The following TCF4 variants were observed in gnomAD, a reference collection of about 807,000 sequenced individuals.
TCF4 encodes transcription factor 4.
In TCF4, 3 loss-of-function variants were observed where a neutral mutation model predicts 82.1. The ratio of observed to expected loss-of-function variants is 0.04; its 90% CI spans 0.02 to 0.09. The LOEUF is 0.09. Ranked by LOEUF, TCF4 falls within the 10% of genes least tolerant of loss-of-function variation. The pLI is 1.00. For missense variants in TCF4, 518 were observed against 852.7 expected (o/e 0.61, Z 4.89); for synonymous variants, 276 against 309.6 (o/e 0.89, Z 1.14).
At chr18:55,345,782 T>C (rs1271476491) in intron 8 of TCF4, among the ~76,000 whole-genome samples, 4 of 152,168 alleles carry the variant, frequency 2.6e-5, no homozygotes, top group Admixed American at 6.5e-5. Flanking sequence ...GTGATCGATA[T>C]CATATTTCAA....
intron 3 of TCF4, among the ~76,000 whole-genome samples, chr18:55,466,585 C>T (rs2096026715): frequency 6.6e-6 from 1 of 152,028 alleles, no homozygotes; most frequent in Non-Finnish European, 1.5e-5. Context: ...CAAAAGGAAT[C>T]AAGTTGGAGA....
At chr18:55,356,792 C>CA (rs1038877760) in intron 6 of TCF4, among the ~76,000 whole-genome samples, 2 of 151,836 alleles carry the variant, frequency 1.3e-5, no homozygotes, top group African/African-American at 2.4e-5. Flanking sequence ...CATGACATCA[C>CA]AAAAAAATAA....
intron 2 of TCF4, among the ~76,000 whole-genome samples, chr18:55,608,012 A>G (rs1380066876): frequency 6.6e-6 from 1 of 152,138 alleles, no homozygotes; most frequent in African/African-American, 2.4e-5. Flanking sequence ...AAAACTACAA[A>G]TCTGTCTCCT....
chr18:55,613,999 G>A (rs2097709545), intron 2 of TCF4, among the ~76,000 whole-genome samples: 2 of 152,146 alleles, frequency 1.3e-5, no homozygotes. Flanking sequence ...GCTCACTGCG[G>A]CCTGGGCTCA....
intron 3 of TCF4, chr18:55,495,851 T>C (rs2096629191): frequency 6.6e-6 from 1 of 152,198 alleles, no homozygotes; most frequent in South Asian, 2.1e-4. Flanking sequence ...GGAATTTATG[T>C]TCATTTTTTT....
At chr18:55,373,198 A>T (rs534846810) in intron 6 of TCF4, among the ~76,000 whole-genome samples, 16 of 151,882 alleles carry the variant, frequency 1.1e-4, no homozygotes, top group Admixed American at 9.8e-4. Flanking sequence ...AAAAATATAT[A>T]AAAAATATGT....
chr18:55,367,514 A>G (rs2087533279), intron 6 of TCF4, among the ~76,000 whole-genome samples: 1 of 152,226 alleles, frequency 6.6e-6, no homozygotes, highest in African/African-American at 2.4e-5. Flanking sequence ...CACCAATGCA[A>G]TGTAGGAGTG....
intron 3 of TCF4, among the ~76,000 whole-genome samples, chr18:55,488,674 G>A (rs1248279332): frequency 1.3e-5 from 2 of 152,178 alleles, no homozygotes; most frequent in Non-Finnish European, 2.9e-5. Context: ...GAAGGAGAAA[G>A]CAAACGGCTG....
chr18:55,259,181 T>G (rs1336213490), intron 13 of TCF4, among the ~76,000 whole-genome samples: 3 of 152,116 alleles, frequency 2.0e-5, no homozygotes, highest in Non-Finnish European at 4.4e-5. Flanking sequence ...AAGGTTTCCA[T>G]CAGGTACAGA....
At chr18:55,620,799 T>TC (rs1491290599) in intron 2 of TCF4, among the ~76,000 whole-genome samples, 4 of 107,534 alleles carry the variant, frequency 3.7e-5, no homozygotes, top group Admixed American at 7.8e-5. Flanking sequence ...TTTGTCCAGT[T>TC]CTTTTTTTTT....
At chr18:55,350,493 T>C in intron 7 of TCF4, 85 bp from the exon 8 acceptor site, 1 of 1,374,344 alleles carries the variant, frequency 7.3e-7, no homozygotes, top group Non-Finnish European at 1.0e-6. Flanking sequence ...TTCTAGATGA[T>C]ACCACATTTC....
intron 5 of TCF4, among the ~76,000 whole-genome samples, chr18:55,414,583 C>A (rs970994757): frequency 1.3e-5 from 2 of 152,106 alleles, no homozygotes; most frequent in African/African-American, 4.8e-5. Flanking sequence ...TTTGATGGAG[C>A]CTTGTCAACA....
Position 55,233,816 on chromosome 18 carries a change from C to CAA in TCF4, c.1486+730_1486+731dup, listed in dbSNP as rs34564671. 9.5e-3 allele frequency among the ~76,000 whole-genome samples: 598 copies of CAA among 62,886 alleles called. 10 individuals are homozygous for CAA. Among genetic ancestry groups the CAA allele is most frequent in the African/African-American group, 0.026 (542 of 20,788 alleles). The allele number at this position is 62,886 out of a possible 152,430, so 41.3% of individuals were successfully genotyped here. On this transcript the variant is annotated intron_variant, in intron 16 of 19. Transcript: ENST00000354452. ...CCTGGGCGACAGAGTGAGGCTCTGTCAAAAAAAAAAAAAAAAAAAGTCCAT... is the reference window on the plus strand; with the variant it reads ...CCTGGGCGACAGAGTGAGGCTCTGTCAAAAAAAAAAAAAAAAAAAAAGTCCAT...
chr18:55,427,412 T>C (rs1378667179), intron 5 of TCF4, among the ~76,000 whole-genome samples: 1 of 152,158 alleles, frequency 6.6e-6, no homozygotes, highest in Non-Finnish European at 1.5e-5. Flanking sequence ...ACATTAATAA[T>C]AAGAATAATG....
intron 17 of TCF4, chr18:55,232,279 T>C: frequency 2.0e-6 from 1 of 502,416 alleles, no homozygotes; most frequent in South Asian, 2.7e-5. Context: ...TTTTTCACTG[T>C]GTGTCATTAG....
chr18:55,527,691 GT>G (rs2097003379), intron 3 of TCF4, among the ~76,000 whole-genome samples: 1 of 152,208 alleles, frequency 6.6e-6, no homozygotes, highest in African/African-American at 2.4e-5. Context: ...AGATATCAAA[GT>G]TATTGAAAAA....
intron 5 of TCF4, among the ~76,000 whole-genome samples, chr18:55,429,627 G>C (rs1235144503): frequency 6.6e-6 from 1 of 151,986 alleles, no homozygotes. Context: ...CGGGCATGGT[G>C]GTGGGCGCCT....
At chr18:55,275,275 GA>G (rs533160424) in intron 10 of TCF4, among the ~76,000 whole-genome samples, 2,891 of 71,306 alleles carry the variant, frequency 0.041, 60 homozygotes, top group African/African-American at 0.12. Flanking sequence ...ACTACAGATA[GA>G]AAAAAAAAAA....
At chr18:55,450,191 C>T (rs1273694359) in intron 5 of TCF4, among the ~76,000 whole-genome samples, 2 of 152,210 alleles carry the variant, frequency 1.3e-5, no homozygotes, top group Non-Finnish European at 2.9e-5. Flanking sequence ...GTCCACCATC[C>T]ACCACTTCCC....
Sources: gnomAD v4.1 joint callset for allele counts (sites outside exome capture counted in the v4.1 genomes callset) on GRCh38, gnomAD v4.1.1 for gene constraint, MANE v1.5 for transcripts, NCBI Gene and HGNC (gene_info 2026-07-23, HGNC 2026-07-21) for gene names.